The following NUDCD3 variants were observed in gnomAD, a reference collection of about 807,000 sequenced individuals.
NUDCD3 encodes the protein nudC domain-containing protein 3.
NUDCD3 carries 13 observed loss-of-function variants against 39.7 expected under a neutral mutation model. The observed-to-expected ratio is 0.33, with a 90% CI of 0.21 to 0.52. The LOEUF is 0.52. Ranked by LOEUF, NUDCD3 falls within the 20% of genes least tolerant of loss-of-function variation. The pLI, the probability that NUDCD3 is intolerant of heterozygous loss-of-function variation, is 0.96. For missense variants in NUDCD3, 453 were observed against 458.1 expected (o/e 0.99, Z 0.10); for synonymous variants, 175 against 172.4 (o/e 1.02, Z -0.12).
intron 2 of NUDCD3, among the ~76,000 whole-genome samples, chr7:44,457,510 A>T (rs1333412253): frequency 1.3e-5 from 2 of 152,216 alleles, no homozygotes; most frequent in Non-Finnish European, 2.9e-5. Context: ...ATTCCTATAA[A>T]CTAGCAATGA....
At chr7:44,429,770 C>T (rs1213050261) in intron 2 of NUDCD3, among the ~76,000 whole-genome samples, 1 of 151,976 alleles carries the variant, frequency 6.6e-6, no homozygotes, top group Non-Finnish European at 1.5e-5. Flanking sequence ...CATACAGAAA[C>T]CAGGAGTTAC....
At chr7:44,389,350 G>C (rs1234304373) in intron 5 of NUDCD3, among the ~76,000 whole-genome samples, 1 of 152,218 alleles carries the variant, frequency 6.6e-6, no homozygotes, top group Non-Finnish European at 1.5e-5. Context: ...CCCCATTCCT[G>C]GTCCTGGGCA....
At chr7:44,476,205 G>A (rs573783678) in intron 2 of NUDCD3, among the ~76,000 whole-genome samples, 2 of 152,308 alleles carry the variant, frequency 1.3e-5, no homozygotes, top group African/African-American at 4.8e-5. Flanking sequence ...CCTACACACG[G>A]AAAGAAGTCT....
intron 2 of NUDCD3, among the ~76,000 whole-genome samples, chr7:44,483,308 T>C (rs1166701001): frequency 6.6e-6 from 1 of 152,062 alleles, no homozygotes; most frequent in Non-Finnish European, 1.5e-5. Context: ...GTCTTTAAAA[T>C]GTTTGAAGAA....
intron 3 of NUDCD3, among the ~76,000 whole-genome samples, chr7:44,420,742 C>A (rs972274157): frequency 1.3e-5 from 2 of 152,112 alleles, no homozygotes; most frequent in African/African-American, 4.8e-5. Context: ...TCATATCCAG[C>A]CAAACTAAGC....
chr7:44,432,661 C>T (rs1799387427), intron 2 of NUDCD3, among the ~76,000 whole-genome samples: 1 of 152,226 alleles, frequency 6.6e-6, no homozygotes, highest in African/African-American at 2.4e-5. Flanking sequence ...TACAGCTGTT[C>T]TTTCATGTCT....
At chr7:44,412,135 G>A (rs1798939054) in intron 3 of NUDCD3, among the ~76,000 whole-genome samples, 1 of 152,228 alleles carries the variant, frequency 6.6e-6, no homozygotes, top group Non-Finnish European at 1.5e-5. Flanking sequence ...AAGATATCCA[G>A]GAAGCTGAGC....
chr7:44,397,765 T>C (rs1798650547), intron 4 of NUDCD3, among the ~76,000 whole-genome samples: 2 of 152,184 alleles, frequency 1.3e-5, no homozygotes, highest in Non-Finnish European at 2.9e-5. Context: ...TTTCTCTGAA[T>C]CATTTAAGAA....
At chr7:44,411,900 G>A (rs1315225650) in intron 3 of NUDCD3, among the ~76,000 whole-genome samples, 1 of 152,238 alleles carries the variant, frequency 6.6e-6, no homozygotes, top group Admixed American at 6.5e-5. Flanking sequence ...GATGCACAGT[G>A]GGGAAATACA....
chr7:44,407,305 C>T (rs985039826), intron 3 of NUDCD3, among the ~76,000 whole-genome samples: 4 of 151,298 alleles, frequency 2.6e-5, no homozygotes, highest in South Asian at 4.2e-4. Context: ...GTGGCTCACA[C>T]CTGTAATCTC....
chr7:44,483,501 C>T (rs1262476515), intron 2 of NUDCD3, among the ~76,000 whole-genome samples: 2 of 152,128 alleles, frequency 1.3e-5, no homozygotes, highest in African/African-American at 4.8e-5. Flanking sequence ...GTCTGCCTTC[C>T]ACCCTATACT....
At chr7:44,441,409 G>C (rs1319406458) in intron 2 of NUDCD3, among the ~76,000 whole-genome samples, 2 of 152,014 alleles carry the variant, frequency 1.3e-5, no homozygotes, top group East Asian at 3.9e-4. Context: ...TCAGTACCAA[G>C]AACCACCCAG....
At chr7:44,477,495 CAA>C (rs1291533382) in intron 2 of NUDCD3, among the ~76,000 whole-genome samples, 1 of 152,180 alleles carries the variant, frequency 6.6e-6, no homozygotes. Context: ...CAAGCAAAGG[CAA>C]AGTCACCATC....
intron 3 of NUDCD3, chr7:44,426,029 G>A (rs1200529694): frequency 1.4e-5 from 9 of 620,706 alleles, no homozygotes; most frequent in Non-Finnish European, 1.8e-5. Flanking sequence ...TATAGGACAT[G>A]GCTCCCTGCT....
chr7:44,381,830 A>G lies in NUDCD3; in HGVS notation c.*4181T>C, dbSNP rs1013322828. ...CTATCTCCATCAGCACTGAGAAGAC[A>G]GCAAACGCCAGCTTGCCAGGGGTTT... is the stretch of plus-strand genomic sequence containing the variant. On this transcript the variant is annotated 3_prime_UTR_variant, in exon 6 of 6. Coordinates refer to ENST00000355451, the MANE Select transcript of NUDCD3 (RefSeq NM_015332.4). 3.3e-5 allele frequency: 5 copies of G among 152,374 alleles called. No homozygotes were observed. Among genetic ancestry groups the G allele is most frequent in the African/African-American group, 1.2e-4 (5 of 41,452 alleles). 9.4% of individuals were successfully genotyped at this position (152,374 alleles called of 1,614,324 possible).
rs1428973141 is a variant in NUDCD3 at position 44,427,665 on chromosome 7, T to C, written c.548A>G (p.Asn183Ser). 5.0e-6 allele frequency: 8 copies of C among 1,613,948 alleles called. No individual in the cohort carries two copies. Among genetic ancestry groups the C allele is most frequent in the Non-Finnish European group, 6.8e-6 (8 of 1,179,870 alleles). ...EQFQKNPDSY[N>S]GAVRENYTWS... ...GGTGTAGTTCTCTCGGACAGCACCA[T>C]TGTAACTGTCGGGATTTTTCTGGAA... The change falls in exon 3 of 6, where the codon AAT (asparagine) becomes AGT (serine). Residue 183 changes from asparagine to serine, a missense_variant. Transcript: ENST00000355451.
intron 4 of NUDCD3, among the ~76,000 whole-genome samples, chr7:44,403,264 G>C (rs1366626575): frequency 6.6e-6 from 1 of 152,224 alleles, no homozygotes; most frequent in East Asian, 1.9e-4. Flanking sequence ...TCAGAACTGG[G>C]ATGGGCCAGT....
At chr7:44,423,892 T>A (rs1484373262) in intron 3 of NUDCD3, among the ~76,000 whole-genome samples, 1 of 152,162 alleles carries the variant, frequency 6.6e-6, no homozygotes, top group Non-Finnish European at 1.5e-5. Context: ...GACTTCAAAC[T>A]ATACTACAAG....
chr7:44,388,961 C>T (rs972842379), intron 5 of NUDCD3, among the ~76,000 whole-genome samples: 8 of 152,252 alleles, frequency 5.3e-5, no homozygotes, highest in African/African-American at 1.4e-4. Flanking sequence ...CTAACTGGGT[C>T]GCTGCCCAGT....
Sources: allele counts gnomAD v4.1 joint callset (sites outside exome capture counted in the v4.1 genomes callset), GRCh38; gene constraint gnomAD v4.1.1; transcripts MANE v1.5; gene names NCBI Gene and HGNC (gene_info 2026-07-23, HGNC 2026-07-21).